OSBPL11: variants seen among roughly 807,000 people sequenced by gnomAD.
The protein encoded by OSBPL11 is oxysterol binding protein like 11.
Under a neutral mutation model 84.4 loss-of-function variants are expected in OSBPL11, and 33 were observed. The observed-to-expected ratio is 0.39, with a 90% confidence interval of 0.30 to 0.52. OSBPL11 has a LOEUF of 0.52. OSBPL11 is among the 20% of genes least tolerant of loss of function. OSBPL11 has a pLI of 0.72. For synonymous variants in OSBPL11, 276 were observed against 310.2 expected, an observed-to-expected ratio of 0.89 and a Z score of 1.16; for missense variants, 736 against 901.1, an observed-to-expected ratio of 0.82 and a Z score of 2.35.
At chr3:125,548,158 C>T (rs970455962) in intron 9 of OSBPL11, among the ~76,000 whole-genome samples, 5 of 152,262 alleles carry the variant, frequency 3.3e-5, no homozygotes, top group East Asian at 1.9e-4. Flanking sequence ...GGATTACAGG[C>T]GTGAGCCACT....
rs142782561 is a variant in OSBPL11 at position 125,552,655 on chromosome 3, C to G, written c.1180G>C (p.Glu394Gln). The G allele has an allele frequency of 1.2e-6, 2 of 1,613,058 alleles. No individual in the cohort carries two copies. Among genetic ancestry groups the G allele is most frequent in the Non-Finnish European group, 1.7e-6 (2 of 1,179,578 alleles). ...TRVVLPTFILEKRSLLEMYAD... is the reference protein window; with the variant it reads ...TRVVLPTFILQKRSLLEMYAD... ...TACATTTCCAGCAAGGAACGCTTCT[C>G]TAGGATAAATGTAGGAAGCACCACC... Residue 394 changes from glutamate (E) to glutamine (Q), a missense_variant, in exon 9 of 13, where the codon GAG becomes CAG. Glu to Gln is a conservative substitution (Grantham distance 29). Around this residue, in one of 3 missense-constraint regions of OSBPL11, gnomAD observed 579 missense variants for 717.6 expected, o/e 0.81. Transcript: ENST00000296220.
chr3:125,586,455 T>G (rs1304807518), intron 1 of OSBPL11, among the ~76,000 whole-genome samples: 1 of 152,212 alleles, frequency 6.6e-6, no homozygotes, highest in Non-Finnish European at 1.5e-5. Context: ...CATTTTCTCT[T>G]AAATATCTTA....
chr3:125,571,786 G>C (rs560543407), intron 5 of OSBPL11, among the ~76,000 whole-genome samples: 3 of 152,250 alleles, frequency 2.0e-5, no homozygotes, highest in African/African-American at 7.2e-5. Flanking sequence ...TGGATGCCCA[G>C]GCAGAGGTCT....
At chr3:125,562,989 AC>A (rs1559842043) in intron 7 of OSBPL11, among the ~76,000 whole-genome samples, 1 of 151,578 alleles carries the variant, frequency 6.6e-6, no homozygotes, top group Admixed American at 6.6e-5. Flanking sequence ...TAAAAAAAAA[AC>A]CCTCCAAACA....
At chr3:125,590,096 TAA>T (rs1452031924) in intron 1 of OSBPL11, among the ~76,000 whole-genome samples, 1 of 152,206 alleles carries the variant, frequency 6.6e-6, no homozygotes, top group Non-Finnish European at 1.5e-5. Flanking sequence ...GCATATTTTA[TAA>T]AGTGTGAATA....
intron 12 of OSBPL11, 59 bp downstream of exon 12, chr3:125,531,802 T>G (rs910181195): frequency 6.8e-7 from 1 of 1,478,952 alleles, no homozygotes; most frequent in Non-Finnish European, 9.1e-7. Context: ...CAAAGCCTAG[T>G]AAGCTAAAGT....
Position 125,552,505 on chromosome 3 carries a change from T to C in OSBPL11, c.1330A>G (p.Ile444Val), listed in dbSNP as rs148933368. Residue 444 changes from isoleucine (I) to valine (V), a missense_variant, in exon 9 of 13, where the codon ATT (isoleucine) becomes GTT (valine). Transcript: ENST00000296220. Reference protein sequence around the residue: ...TSFHEGRKGAIAKKPYNPIIG... With the variant: ...TSFHEGRKGAVAKKPYNPIIG... ...ATAGGATTGTATGGTTTTTTAGCAA[T>C]GGCTCCCTTACGGCCTTCATGAAAT... is the stretch of plus-strand genomic sequence containing the variant. 1.0e-4 allele frequency: 169 copies of C among 1,614,206 alleles called. No individual in the cohort carries two copies. Among genetic ancestry groups the C allele is most frequent in the Middle Eastern group, 1.6e-4 (1 of 6,062 alleles).
Position 125,576,440 on chromosome 3 carries a change from C to T in OSBPL11, c.490-75G>A, listed in dbSNP as rs913551986. On this transcript the variant is annotated intron_variant, in intron 4 of 12. Transcript: ENST00000296220. The stretch of plus-strand genomic sequence containing the variant: ...TTTCTAACCATCAAACTACCATACA[C>T]TTAAGATTTACACATGAGCAGCGTT... 5.0e-6 allele frequency: 6 copies of T among 1,193,454 alleles called. No homozygotes were observed. The African/African-American group carries it at 9.5e-5, about 19-fold the overall frequency. The allele number at this position is 1,193,454 out of a possible 1,614,324, so 73.9% of individuals were successfully genotyped here.
At chr3:125,584,171 C>G (rs1936471654) in intron 1 of OSBPL11, among the ~76,000 whole-genome samples, 1 of 152,106 alleles carries the variant, frequency 6.6e-6, no homozygotes, top group Non-Finnish European at 1.5e-5. Context: ...TCGAGACCAG[C>G]CTGGCCAACA....
Position 125,552,539 on chromosome 3 carries a change from G to A in OSBPL11, c.1296C>T (p.Tyr432=). ...TACGGCCTTCATGAAATGAGGTAAG[G>A]TAGTACTCAACAAAGCGAATCATTC... The part of the protein sequence containing the change: ...EDRMIRFVEY[Y]LTSFHEGRKG... Residue 432 remains tyrosine (Y), a synonymous_variant, in exon 9 of 13, where the codon TAC becomes TAT. Coordinates refer to ENST00000296220, the MANE Select transcript of OSBPL11 (RefSeq NM_022776.5). The A allele has an allele frequency of 3.1e-6, 5 of 1,614,154 alleles. No homozygotes were observed. The highest frequency in any genetic ancestry group is 4.2e-6 in the Non-Finnish European group (5 of 1,180,022).
intron 1 of OSBPL11, among the ~76,000 whole-genome samples, chr3:125,591,329 T>A (rs1936592534): frequency 1.3e-5 from 2 of 152,260 alleles, no homozygotes; most frequent in Non-Finnish European, 2.9e-5. Flanking sequence ...TGGGACTTGT[T>A]TCTGAAGAAC....
chr3:125,533,418 T>C (rs1289464498), intron 11 of OSBPL11, among the ~76,000 whole-genome samples: 1 of 151,900 alleles, frequency 6.6e-6, no homozygotes, highest in African/African-American at 2.4e-5. Context: ...ACAGACAGGG[T>C]TTCATCATGT....
chr3:125,539,313 A>G (rs1935689409), intron 10 of OSBPL11, among the ~76,000 whole-genome samples: 2 of 110,912 alleles, frequency 1.8e-5, no homozygotes, highest in African/African-American at 4.7e-5. Flanking sequence ...ATATATATAT[A>G]TATATATATA....
At chr3:125,564,464 TTAATGATTC>T (rs1936127093) in intron 6 of OSBPL11, among the ~76,000 whole-genome samples, 1 of 152,182 alleles carries the variant, frequency 6.6e-6, no homozygotes, top group South Asian at 2.1e-4. Context: ...ATCTTCTCGG[TTAATGATTC>T]AAATGTCTCT....
chr3:125,552,419 A>C lies in OSBPL11; in HGVS notation c.1416T>G (p.Val472=). 1 of 1,614,150 alleles carries C rather than the reference A, an allele frequency of 6.2e-7. No homozygotes were observed. The highest frequency in any genetic ancestry group is 1.1e-5 in the South Asian group (1 of 91,088). ...KMPKSEVASS[V]FSSSSTQGVT... ...CTCCCTGGGTGGAAGAACTGCTAAA[A>C]ACACTGGATGCTACCTCGCTTTTTG... Residue 472 remains valine (V), a synonymous_variant, in exon 9 of 13, where the codon GTT becomes GTG. Transcript: ENST00000296220.
At chr3:125,549,359 A>G (rs561430969) in intron 9 of OSBPL11, among the ~76,000 whole-genome samples, 2 of 152,348 alleles carry the variant, frequency 1.3e-5, no homozygotes, top group East Asian at 1.9e-4. Flanking sequence ...TGTTGAGGAT[A>G]TCGATAACCA....
rs376920475 is a variant in OSBPL11 at position 125,539,561 on chromosome 3, C to T, written c.1842-928G>A. On this transcript the variant is annotated intron_variant, in intron 10 of 12. Coordinates refer to ENST00000296220, the MANE Select transcript of OSBPL11 (RefSeq NM_022776.5). ...GGTTAAGTGACTCTCCTGCTTCAGC[C>T]TCCCAAGTAGCTGGAGTAGCTGGGA... Among the ~76,000 whole-genome samples, 5 of 151,998 alleles carry T rather than the reference C, an allele frequency of 3.3e-5. 1 individual carries two copies. Among genetic ancestry groups the T allele is most frequent in the Admixed American group, 1.3e-4 (2 of 15,256 alleles).
At chr3:125,577,640 C>T (rs1414765455) in intron 4 of OSBPL11, among the ~76,000 whole-genome samples, 1 of 152,006 alleles carries the variant, frequency 6.6e-6, no homozygotes, top group Non-Finnish European at 1.5e-5. Context: ...CCAGCCTGGC[C>T]AACATGGCGA....
chr3:125,576,060 A>G, intron 5 of OSBPL11, 129 bp downstream of exon 5: 1 of 770,354 alleles, frequency 1.3e-6, no homozygotes, highest in South Asian at 2.0e-5. Context: ...CTTAAAAATT[A>G]TCTCAGCATA....
Sources: allele counts gnomAD v4.1 joint callset (sites outside exome capture counted in the v4.1 genomes callset), GRCh38; gene constraint gnomAD v4.1.1; regional missense constraint gnomAD v4.1.1; transcripts MANE v1.5; gene names NCBI Gene and HGNC (gene_info 2026-07-23, HGNC 2026-07-21).